The following TAFA1 variants were observed in gnomAD, a reference collection of about 807,000 sequenced individuals.
The protein encoded by TAFA1 is TAFA chemokine like family member 1, also known as chemokine-like protein TAFA-1.
In TAFA1, 4 loss-of-function variants were observed where a neutral mutation model predicts 18.5. The ratio of observed to expected loss-of-function variants is 0.22; its 90% CI spans 0.11 to 0.49. The LOEUF (loss-of-function observed/expected upper bound fraction) is 0.49. Among genes scored for constraint, TAFA1 ranks in the 20% least tolerant of loss-of-function variants. The pLI is 0.98. For synonymous variants in TAFA1, 56 were observed against 55.2 expected (o/e 1.01, Z -0.06); for missense variants, 147 against 169.0 (o/e 0.87, Z 0.72).
intron 2 of TAFA1, among the ~76,000 whole-genome samples, chr3:68,337,177 G>A (rs2068985784): frequency 6.6e-6 from 1 of 152,138 alleles, no homozygotes; most frequent in South Asian, 2.1e-4. Flanking sequence ...ATTGGCTCAC[G>A]GTTCCACACA....
At chr3:68,540,857 C>T (rs902349063) in intron 4 of TAFA1, among the ~76,000 whole-genome samples, 1 of 152,092 alleles carries the variant, frequency 6.6e-6, no homozygotes, top group East Asian at 1.9e-4. Context: ...TTTATTTGGC[C>T]TCTGTAGAGT....
chr3:68,194,739 T>A (rs1001910686), intron 2 of TAFA1, among the ~76,000 whole-genome samples: 4 of 151,736 alleles, frequency 2.6e-5, no homozygotes, highest in African/African-American at 9.7e-5. Context: ...CTTTGCAACT[T>A]AGGACAAAAT....
Position 68,272,388 on chromosome 3 carries a change from C to G in TAFA1, c.119-144892C>G, listed in dbSNP as rs138942116. ...TTCTTCAAAGATTTGACAAATTTAC[C>G]TAAAGCATATGGGGTTATGAGGATG... On this transcript the variant is annotated intron_variant, in intron 2 of 4. Coordinates refer to ENST00000478136, the MANE Select transcript of TAFA1 (RefSeq NM_213609.4). 2.6e-3 allele frequency among the ~76,000 whole-genome samples: 399 copies of G among 152,170 alleles called. 1 individual carries two copies. The highest frequency in any genetic ancestry group is 9.1e-3 in the African/African-American group (379 of 41,506).
chr3:68,205,539 C>T (rs73095480), intron 2 of TAFA1, among the ~76,000 whole-genome samples: 2 of 151,926 alleles, frequency 1.3e-5, no homozygotes, highest in African/African-American at 4.8e-5. Flanking sequence ...GAGATTCTGA[C>T]AGTATTTGAT....
At chr3:68,369,888 G>T (rs1200587867) in intron 2 of TAFA1, among the ~76,000 whole-genome samples, 1 of 152,092 alleles carries the variant, frequency 6.6e-6, no homozygotes. Flanking sequence ...CCTCCATTCA[G>T]ACAATAGAAA....
intron 2 of TAFA1, among the ~76,000 whole-genome samples, chr3:68,150,352 T>C (rs963123478): frequency 2.6e-5 from 4 of 152,222 alleles, no homozygotes; most frequent in Admixed American, 2.6e-4. Context: ...AGGAGCCTGG[T>C]GATTATCCTT....
At chr3:68,110,329 A>G (rs926611373) in intron 2 of TAFA1, among the ~76,000 whole-genome samples, 58 of 152,296 alleles carry the variant, frequency 3.8e-4, no homozygotes, top group African/African-American at 1.4e-3. Flanking sequence ...ATGGCTGCAT[A>G]GTATTCCATG....
intron 3 of TAFA1, among the ~76,000 whole-genome samples, chr3:68,531,390 G>GCACTTTGGGAGGC (rs1559708187): frequency 2.0e-5 from 3 of 151,922 alleles, no homozygotes; most frequent in African/African-American, 7.3e-5. Flanking sequence ...AGAGGGACAA[G>GCACTTTGGGAGGC]CGGGTGACTT....
At position 68,260,972 on chromosome 3, in the gene TAFA1, A is replaced by C. The variant is rs143340484; in HGVS notation, c.119-156308A>C. Among the ~76,000 whole-genome samples the C allele has an allele frequency of 1.5e-3, 232 of 152,276 alleles. 1 individual carries two copies. The highest frequency in any genetic ancestry group is 5.1e-3 in the African/African-American group (213 of 41,554). ...GCACAGCAAAAGAAACTAACGTCAGAGTGAACAGGCAACCTACAGAATGGG... is the reference window on the plus strand; with the variant it reads ...GCACAGCAAAAGAAACTAACGTCAGCGTGAACAGGCAACCTACAGAATGGG... On this transcript the variant is annotated intron_variant, in intron 2 of 4. Coordinates refer to ENST00000478136, the MANE Select transcript of TAFA1 (RefSeq NM_213609.4).
intron 2 of TAFA1, among the ~76,000 whole-genome samples, chr3:68,195,219 T>C (rs2066396407): frequency 6.6e-6 from 1 of 151,138 alleles, no homozygotes; most frequent in South Asian, 2.1e-4. Context: ...AAAATGGATG[T>C]TTAAATTACT....
chr3:68,057,843 A>C (rs1462664053), intron 2 of TAFA1, among the ~76,000 whole-genome samples: 1 of 152,190 alleles, frequency 6.6e-6, no homozygotes, highest in Non-Finnish European at 1.5e-5. Flanking sequence ...GGAAGTGGTC[A>C]TGAACCAAGT....
intron 2 of TAFA1, among the ~76,000 whole-genome samples, chr3:68,101,729 G>A (rs2065149766): frequency 6.6e-6 from 1 of 152,132 alleles, no homozygotes; most frequent in Non-Finnish European, 1.5e-5. Flanking sequence ...AGGTTCTATT[G>A]GAGACGGTTT....
At chr3:68,344,475 C>T (rs944002084) in intron 2 of TAFA1, among the ~76,000 whole-genome samples, 2 of 152,174 alleles carry the variant, frequency 1.3e-5, no homozygotes, top group Non-Finnish European at 2.9e-5. Context: ...ATAATCTCAT[C>T]AAGGAATTCC....
chr3:68,318,831 T>C (rs2068649627), intron 2 of TAFA1, among the ~76,000 whole-genome samples: 1 of 152,174 alleles, frequency 6.6e-6, no homozygotes, highest in South Asian at 2.1e-4. Context: ...CTCTGAATCA[T>C]GTCCTCTTCA....
chr3:68,193,757 A>G (rs905138387), intron 2 of TAFA1, among the ~76,000 whole-genome samples: 1 of 151,752 alleles, frequency 6.6e-6, no homozygotes, highest in African/African-American at 2.4e-5. Flanking sequence ...CAAAAAAAAA[A>G]TGAACAGGTC....
rs73837264 is a variant in TAFA1, at chr3:68,051,063, G to A, written c.118+44319G>A. Among the ~76,000 whole-genome samples the A allele has an allele frequency of 3.7e-3, 559 of 151,918 alleles. 6 individuals are homozygous for A. Among genetic ancestry groups the A allele is most frequent in the African/African-American group, 0.013 (540 of 41,430 alleles). On this transcript the variant is annotated intron_variant, in intron 2 of 4. Transcript: ENST00000478136. ...CTCAGCTTGATGACTTTCTACTTTG[G>A]CAACTATATGCACACATTTATTATT... is the stretch of plus-strand genomic sequence containing the variant.
chr3:68,417,312 C>G lies in TAFA1; in HGVS notation c.151C>G (p.Arg51Gly). The G allele has an allele frequency of 6.2e-7, 1 of 1,613,062 alleles. No homozygotes were observed. Among genetic ancestry groups the G allele is most frequent in the Non-Finnish European group, 8.5e-7 (1 of 1,179,494 alleles). ...GACGTGTGAAGTGATAGCAGCACAC[C>G]GATGTTGTAACAAGAATCGCATTGA... is the stretch of plus-strand genomic sequence containing the variant. ...GGTCEVIAAHRCCNKNRIEER... is the reference protein window; with the variant it reads ...GGTCEVIAAHGCCNKNRIEER... The change falls in exon 3 of 5, where the codon CGA becomes GGA. Residue 51 changes from arginine (R) to glycine (G), a missense_variant. By Grantham distance (125) the Arg-to-Gly change is moderately radical. Coordinates refer to ENST00000478136, the MANE Select transcript of TAFA1 (RefSeq NM_213609.4).
At chr3:68,273,567 A>G (rs2067719224) in intron 2 of TAFA1, among the ~76,000 whole-genome samples, 1 of 152,222 alleles carries the variant, frequency 6.6e-6, no homozygotes, top group Admixed American at 6.5e-5. Flanking sequence ...AAGCAAGAGA[A>G]CAACCTGAAG....
At chr3:68,338,870 T>A (rs2069024112) in intron 2 of TAFA1, among the ~76,000 whole-genome samples, 1 of 152,218 alleles carries the variant, frequency 6.6e-6, no homozygotes, top group Non-Finnish European at 1.5e-5. Context: ...GAGCTTGATC[T>A]AAGCAAGGCT....
Sources: gnomAD v4.1 joint callset for allele counts (sites outside exome capture counted in the v4.1 genomes callset) on GRCh38, gnomAD v4.1.1 for gene constraint, MANE v1.5 for transcripts, NCBI Gene and HGNC (gene_info 2026-07-23, HGNC 2026-07-21) for gene names.